The following RGS6 variants were observed in gnomAD, a reference collection of about 807,000 sequenced individuals.
The protein encoded by RGS6 is regulator of G-protein signaling 6.
RGS6 carries 30 observed loss-of-function variants against 78.5 expected under a neutral mutation model. That is an observed-to-expected ratio of 0.38 (90% CI 0.29 to 0.52). RGS6 has a LOEUF of 0.52. Among genes scored for constraint, RGS6 ranks in the 20% least tolerant of loss-of-function variants. RGS6 has a pLI of 0.85. For missense variants in RGS6, 495 were observed against 609.7 expected, an observed-to-expected ratio of 0.81 and a Z score of 1.98; for synonymous variants, 206 against 206.0, an observed-to-expected ratio of 1.00 and a Z score of 0.00.
At chr14:72,336,095 A>G (rs1035969044) in intron 2 of RGS6, among the ~76,000 whole-genome samples, 3 of 152,070 alleles carry the variant, frequency 2.0e-5, no homozygotes, top group East Asian at 3.9e-4. Context: ...TTATATTACA[A>G]TTTTTCAGTT....
the RGS6 span, among the ~76,000 whole-genome samples, chr14:72,587,947 G>A: frequency 1.3e-5 from 2 of 152,344 alleles, no homozygotes; most frequent in Admixed American, 6.5e-5. Flanking sequence ...CGGCCAGTAA[G>A]AGATGGTAGT....
intron 3 of RGS6, among the ~76,000 whole-genome samples, chr14:72,429,268 A>G (rs1362725815): frequency 6.6e-6 from 1 of 152,188 alleles, no homozygotes; most frequent in African/African-American, 2.4e-5. Context: ...CTAGGACCAC[A>G]CTTTGGGAAT....
At chr14:71,917,284 C>T in the RGS6 span, among the ~76,000 whole-genome samples, 1 of 152,052 alleles carries the variant, frequency 6.6e-6, no homozygotes, top group Non-Finnish European at 1.5e-5. Flanking sequence ...TCAGAGCTCC[C>T]CAGACCTATG....
At chr14:72,601,651 T>A in the RGS6 span, among the ~76,000 whole-genome samples, 12 of 152,344 alleles carry the variant, frequency 7.9e-5, no homozygotes, top group African/African-American at 2.2e-4. Flanking sequence ...TAATTATCCA[T>A]GTCAGTCATT....
At chr14:72,506,984 T>TAAAAA (rs71109738) in intron 13 of RGS6, among the ~76,000 whole-genome samples, 5,339 of 54,170 alleles carry the variant, frequency 0.099, 1,134 homozygotes, top group East Asian at 0.24. Flanking sequence ...CTGTCTCTAC[T>TAAAAA]AAAAAAAAAA....
At chr14:71,951,503 T>C (rs1170493276) in intron 1 of RGS6, among the ~76,000 whole-genome samples, 1 of 152,180 alleles carries the variant, frequency 6.6e-6, no homozygotes, top group Non-Finnish European at 1.5e-5. Flanking sequence ...CAAACCATCA[T>C]GGCACACGTT....
intron 2 of RGS6, among the ~76,000 whole-genome samples, chr14:71,972,207 G>C (rs752403647): frequency 1.1e-4 from 17 of 151,858 alleles, no homozygotes; most frequent in Admixed American, 1.1e-3. Context: ...GAAGTCACTA[G>C]GTCCACCCCT....
chr14:71,947,038 G>T (rs2091626866), intron 1 of RGS6, among the ~76,000 whole-genome samples: 1 of 152,158 alleles, frequency 6.6e-6, no homozygotes, highest in Non-Finnish European at 1.5e-5. Flanking sequence ...GTTACTTCTT[G>T]CTGTTTTTCA....
At position 72,320,502 on chromosome 14, in the gene RGS6, C is replaced by T. The variant is rs376834859; in HGVS notation, c.85-31593C>T. On this transcript the variant is annotated intron_variant, in intron 2 of 17. Coordinates refer to ENST00000553525, the MANE Select transcript of RGS6 (RefSeq NM_001204424.2). The stretch of plus-strand genomic sequence containing the variant: ...CTGAGGCAGGAGAATGGCGTGAACC[C>T]GAGAGGCAGAGCTTGCAGTGAGCAG... Among the ~76,000 whole-genome samples the T allele has an allele frequency of 3.9e-5, 6 of 152,030 alleles. No individual in the cohort carries two copies. The South Asian group carries it at 6.3e-4, about 16-fold the overall frequency.
chr14:72,293,385 G>A (rs2064010840), intron 2 of RGS6, among the ~76,000 whole-genome samples: 1 of 152,172 alleles, frequency 6.6e-6, no homozygotes, highest in Non-Finnish European at 1.5e-5. Context: ...AATTCGAGGT[G>A]CAGGATGTTC....
At chr14:72,279,347 T>C (rs2061212859) in intron 2 of RGS6, among the ~76,000 whole-genome samples, 1 of 151,902 alleles carries the variant, frequency 6.6e-6, no homozygotes. Flanking sequence ...GAGAGTCTAG[T>C]GGAAGGTGGG....
At chr14:72,598,253 T>C in the RGS6 span, among the ~76,000 whole-genome samples, 3 of 152,300 alleles carry the variant, frequency 2.0e-5, no homozygotes, top group Non-Finnish European at 4.4e-5. Flanking sequence ...TCTCTAAATC[T>C]GATTCTTCAG....
chr14:72,026,600 G>A (rs1217943170), intron 2 of RGS6, among the ~76,000 whole-genome samples: 1 of 152,166 alleles, frequency 6.6e-6, no homozygotes, highest in Non-Finnish European at 1.5e-5. Context: ...ATCAATTACA[G>A]CCTCAGCTGA....
At chr14:71,878,384 G>C in the RGS6 span, among the ~76,000 whole-genome samples, 2 of 152,168 alleles carry the variant, frequency 1.3e-5, no homozygotes, top group Non-Finnish European at 2.9e-5. Context: ...GCAATGGCAG[G>C]CACCCCTCCC....
chr14:71,961,147 C>T (rs1471045644), intron 1 of RGS6, among the ~76,000 whole-genome samples: 4 of 152,066 alleles, frequency 2.6e-5, no homozygotes, highest in Admixed American at 1.3e-4. Flanking sequence ...GATGCTCCAC[C>T]GCAGTGGTTT....
At chr14:72,002,286 C>G (rs186362719) in intron 2 of RGS6, among the ~76,000 whole-genome samples, 29 of 152,254 alleles carry the variant, frequency 1.9e-4, no homozygotes, top group East Asian at 5.8e-4. Flanking sequence ...TTCAGAGTGA[C>G]TTACTAACTA....
chr14:72,558,700 G>A (rs1415287987), intron 17 of RGS6, among the ~76,000 whole-genome samples: 1 of 152,168 alleles, frequency 6.6e-6, no homozygotes, highest in Non-Finnish European at 1.5e-5. Context: ...ATGTGTGGGT[G>A]TTAGTGAACC....
chr14:71,987,364 A>G (rs564703848), intron 2 of RGS6, among the ~76,000 whole-genome samples: 2 of 152,054 alleles, frequency 1.3e-5, no homozygotes, highest in Admixed American at 6.6e-5. Flanking sequence ...GACCTTCACA[A>G]CCTGCTCACT....
chr14:71,873,840 C>A, the RGS6 span, among the ~76,000 whole-genome samples: 865 of 152,224 alleles, frequency 5.7e-3, 9 homozygotes, highest in African/African-American at 0.019. Context: ...GAAGGGATCC[C>A]GTTTCAGCTT....
Sources: gnomAD v4.1 joint callset for allele counts (sites outside exome capture counted in the v4.1 genomes callset) on GRCh38, gnomAD v4.1.1 for gene constraint, MANE v1.5 for transcripts, NCBI Gene and HGNC (gene_info 2026-07-23, HGNC 2026-07-21) for gene names.